EIPR1: variants seen among roughly 807,000 people sequenced by gnomAD.
EIPR1 encodes the protein EARP complex and GARP complex interacting protein 1, also known as EARP and GARP complex-interacting protein 1.
A neutral mutation model predicts 48.1 loss-of-function variants in EIPR1; 25 were observed. The observed-to-expected ratio is 0.52, with a 90% CI of 0.38 to 0.73. EIPR1 has a LOEUF of 0.73. EIPR1 is among the 30% of genes least tolerant of loss of function. The pLI, the probability that EIPR1 is intolerant of heterozygous loss-of-function variation, is 0.00. For synonymous variants in EIPR1, 204 were observed against 201.9 expected, an observed-to-expected ratio of 1.01 and a Z score of -0.09; for missense variants, 415 against 506.2, an observed-to-expected ratio of 0.82 and a Z score of 1.73.
intron 3 of EIPR1, among the ~76,000 whole-genome samples, chr2:3,311,580 C>T (rs560322411): frequency 5.9e-5 from 9 of 152,294 alleles, no homozygotes; most frequent in African/African-American, 2.2e-4. Context: ...AATGTTGAGG[C>T]TTAAGACAGG....
chr2:3,375,186 C>T (rs1659829918), intron 1 of EIPR1, among the ~76,000 whole-genome samples: 1 of 136,272 alleles, frequency 7.3e-6, no homozygotes, highest in Non-Finnish European at 1.5e-5. Flanking sequence ...ACAATGAGAA[C>T]ACATGGACAC....
At chr2:3,194,681 C>G (rs946214901) in intron 6 of EIPR1, among the ~76,000 whole-genome samples, 4 of 105,954 alleles carry the variant, frequency 3.8e-5, no homozygotes, top group South Asian at 3.1e-4. Context: ...TATATATATA[C>G]AGAGAGAGAG....
chr2:3,287,437 A>ATCCAGAAAGCGCGTTCACCACAC (rs1668229603), intron 3 of EIPR1, among the ~76,000 whole-genome samples: 3 of 119,202 alleles, frequency 2.5e-5, no homozygotes, highest in African/African-American at 6.6e-5. Context: ...CTCGTTCACA[A>ATCCAGAAAGCGCGTTCACCACAC]TCCAGAAAGC....
intron 3 of EIPR1, among the ~76,000 whole-genome samples, chr2:3,289,762 G>A (rs1668310883): frequency 1.3e-5 from 2 of 152,196 alleles, no homozygotes; most frequent in Non-Finnish European, 2.9e-5. Flanking sequence ...TTCACACTTA[G>A]TGTCCAAAGC....
intron 5 of EIPR1, among the ~76,000 whole-genome samples, chr2:3,210,797 A>ATTTATT (rs908415788): frequency 5.9e-5 from 9 of 152,040 alleles, no homozygotes; most frequent in African/African-American, 1.9e-4. Context: ...CGCCTGGCTA[A>ATTTATT]TTTATTTTTA....
Position 3,350,085 on chromosome 2 carries a change from T to G in EIPR1, c.126+4465A>C, listed in dbSNP as rs904205158. Among the ~76,000 whole-genome samples the G allele has an allele frequency of 3.5e-5, 4 of 114,264 alleles. No homozygotes were observed. In the Admixed American group the frequency reaches 5.3e-4, roughly 15 times the overall value. The allele number at this position is 114,264 out of a possible 152,430, so 75.0% of individuals were successfully genotyped here. On this transcript the variant is annotated intron_variant, in intron 2 of 8. Coordinates refer to ENST00000382125, the MANE Select transcript of EIPR1 (RefSeq NM_003310.5). Reference sequence around the variant, plus strand: ...GTGAGCCGAGATCACGCCACTGCACTCCAGCCTGGGTGAGAGAGTAAGACT... The same window carrying G: ...GTGAGCCGAGATCACGCCACTGCACGCCAGCCTGGGTGAGAGAGTAAGACT...
rs1558263222 is a variant in EIPR1 at position 3,269,308 on chromosome 2, G to GCACTCAATCATCATCA, written c.260-11854_260-11853insTGATGATGATTGAGTG. Among the ~76,000 whole-genome samples the GCACTCAATCATCATCA allele has an allele frequency of 5.3e-4, 65 of 121,568 alleles. 2 individuals carry two copies. The highest frequency in any genetic ancestry group is 6.7e-4 in the Non-Finnish European group (40 of 59,366). 79.8% of individuals were successfully genotyped at this position (121,568 alleles called of 152,430 possible). ...CACTCAGTCATGGCACTCAGTCATC[G>GCACTCAATCATCATCA]CACTCAGTCATCGCACTCAATCATC... On this transcript the variant is annotated intron_variant, in intron 3 of 8. Transcript: ENST00000382125.
chr2:3,336,954 A>G lies in EIPR1; in HGVS notation c.259+1063T>C, dbSNP rs1225972763. On this transcript the variant is annotated intron_variant, in intron 3 of 8. Transcript: ENST00000382125. The stretch of plus-strand genomic sequence containing the variant: ...AAGGGAAAAGGGAAGGGAAGGGAAG[A>G]GAAAAGGGAAAGGAAGGGAAAAGGG... 6.3e-4 allele frequency among the ~76,000 whole-genome samples: 72 copies of G among 113,524 alleles called. 3 individuals are homozygous for G. Among genetic ancestry groups the G allele is most frequent in the African/African-American group, 2.3e-3 (66 of 28,714 alleles). The allele number at this position is 113,524 out of a possible 152,430, so 74.5% of individuals were successfully genotyped here. A position where few individuals can be genotyped will look rare whatever the true frequency, so the allele number is the denominator to read the frequency against.
At chr2:3,214,999 C>G (rs1665581779) in intron 4 of EIPR1, among the ~76,000 whole-genome samples, 1 of 152,198 alleles carries the variant, frequency 6.6e-6, no homozygotes, top group South Asian at 2.1e-4. Context: ...AGGCAGCTGT[C>G]TACACATCAG....
At chr2:3,358,956 G>C (rs1236525910) in intron 1 of EIPR1, among the ~76,000 whole-genome samples, 4 of 152,224 alleles carry the variant, frequency 2.6e-5, no homozygotes. Flanking sequence ...CCACAGAAAA[G>C]CTTGTCTATG....
intron 1 of EIPR1, among the ~76,000 whole-genome samples, chr2:3,361,446 TA>T (rs1670849160): frequency 6.6e-6 from 1 of 151,902 alleles, no homozygotes; most frequent in African/African-American, 2.4e-5. Context: ...GCTTCTTAGT[TA>T]ACAGCTCACA....
chr2:3,270,447 C>A (rs1328353017), intron 3 of EIPR1, among the ~76,000 whole-genome samples: 1 of 152,200 alleles, frequency 6.6e-6, no homozygotes, highest in African/African-American at 2.4e-5. Flanking sequence ...TAACTAAGAT[C>A]TGTGTTTCCT....
intron 1 of EIPR1, among the ~76,000 whole-genome samples, chr2:3,365,985 G>A (rs903443002): frequency 9.3e-5 from 4 of 43,020 alleles, no homozygotes; most frequent in African/African-American, 2.1e-4. Context: ...CCCCCCGCCC[G>A]GCCAGCCACC....
chr2:3,272,840 T>C (rs1029077078), intron 3 of EIPR1, among the ~76,000 whole-genome samples: 1 of 152,206 alleles, frequency 6.6e-6, no homozygotes, highest in African/African-American at 2.4e-5. Context: ...TTGCAAAAGA[T>C]ACAACATCTG....
rs1667851215 is a variant in EIPR1, at chr2:3,276,407, A to G, written c.260-18952T>C. ...TTTCATGAAAAATATTGCTTTTATAATTTTTTCTTATAACATGTAAGAGAT... is the reference window on the plus strand; with the variant it reads ...TTTCATGAAAAATATTGCTTTTATAGTTTTTTCTTATAACATGTAAGAGAT... On this transcript the variant is annotated intron_variant, in intron 3 of 8. Transcript: ENST00000382125. Among the ~76,000 whole-genome samples the G allele has an allele frequency of 3.3e-5, 5 of 152,318 alleles. No homozygotes were observed. In the South Asian group the frequency reaches 1.0e-3, roughly 32 times the overall value.
intron 4 of EIPR1, among the ~76,000 whole-genome samples, chr2:3,216,923 G>C (rs1001988569): frequency 6.6e-6 from 1 of 152,228 alleles, no homozygotes; most frequent in Non-Finnish European, 1.5e-5. Flanking sequence ...ATGAGGAAAT[G>C]TTTTAAAGGC....
At chr2:3,274,383 G>C (rs1405649070) in intron 3 of EIPR1, 1 of 1,550,460 alleles carries the variant, frequency 6.4e-7, no homozygotes, top group South Asian at 1.2e-5. Flanking sequence ...CTTCCCAAGA[G>C]CACCAAAGGA....
chr2:3,320,012 CCT>C (rs1669470189), intron 3 of EIPR1: 2 of 138,956 alleles, frequency 1.4e-5, no homozygotes, highest in African/African-American at 5.9e-5. Context: ...CAACACCACC[CCT>C]GAGGCAGAGC....
At chr2:3,323,095 T>C (rs1049495502) in intron 3 of EIPR1, among the ~76,000 whole-genome samples, 1 of 134,970 alleles carries the variant, frequency 7.4e-6, no homozygotes, top group African/African-American at 3.1e-5. Flanking sequence ...ACAGTTCCTC[T>C]CTCTGATTTT....
Sources: gnomAD v4.1 joint callset for allele counts (sites outside exome capture counted in the v4.1 genomes callset) on GRCh38, gnomAD v4.1.1 for gene constraint, MANE v1.5 for transcripts, NCBI Gene and HGNC (gene_info 2026-07-23, HGNC 2026-07-21) for gene names.